The following LUC7L2 variants were observed in gnomAD, a reference collection of about 807,000 sequenced individuals.
The protein encoded by LUC7L2 is LUC7 like 2, pre-mRNA splicing factor.
LUC7L2 carries 25 observed loss-of-function variants against 52.8 expected under a neutral mutation model. The observed-to-expected ratio is 0.47, with a 90% confidence interval of 0.34 to 0.66. LUC7L2 has a LOEUF of 0.66. LUC7L2 is among the 30% of genes least tolerant of loss of function. The pLI is 0.01. For synonymous variants in LUC7L2, 144 were observed against 160.9 expected, an observed-to-expected ratio of 0.89 and a Z score of 0.80; for missense variants, 328 against 497.8, an observed-to-expected ratio of 0.66 and a Z score of 3.25.
upstream of LUC7L2, among the ~76,000 whole-genome samples, chr7:139,357,839 G>A (rs1176036669): frequency 6.6e-6 from 1 of 151,340 alleles, no homozygotes; most frequent in African/African-American, 2.4e-5. Context: ...CTACAGGCAT[G>A]CGCCACCACG....
At chr7:139,394,731 G>A (rs1794587220) in intron 2 of LUC7L2, among the ~76,000 whole-genome samples, 1 of 152,142 alleles carries the variant, frequency 6.6e-6, no homozygotes, top group South Asian at 2.1e-4. Flanking sequence ...ATGTTGTGGG[G>A]AATGACTTAC....
intron 2 of LUC7L2, among the ~76,000 whole-genome samples, chr7:139,377,338 G>A (rs1800765952): frequency 6.6e-6 from 1 of 152,092 alleles, no homozygotes; most frequent in South Asian, 2.1e-4. Flanking sequence ...CGGTGTAGCT[G>A]GAATCACAGG....
intron 8 of LUC7L2, 126 bp downstream of exon 8, chr7:139,412,706 T>TA: frequency 8.9e-7 from 1 of 1,123,696 alleles, no homozygotes; most frequent in Non-Finnish European, 1.2e-6. Context: ...TGCATGCTTG[T>TA]AATCCCAGCT....
rs1361882838 is a variant in LUC7L2, at chr7:139,383,970, G to T, written c.156+7814G>T. ...TTACCACGTTGGCCAGGCTGGTTTC[G>T]AACTCCTGACCTGAAGTGACCCACC... On this transcript the variant is annotated intron_variant, in intron 2 of 9. Coordinates refer to ENST00000354926, the MANE Select transcript of LUC7L2 (RefSeq NM_016019.5). 3.4e-5 allele frequency among the ~76,000 whole-genome samples: 5 copies of T among 147,182 alleles called. No individual in the cohort carries two copies. In the East Asian group the frequency reaches 5.9e-4, roughly 17 times the overall value.
At chr7:139,401,960 C>T (rs529624148) in intron 3 of LUC7L2, among the ~76,000 whole-genome samples, 177 bp from the exon 4 acceptor site, 1 of 152,182 alleles carries the variant, frequency 6.6e-6, no homozygotes, top group South Asian at 2.1e-4. Flanking sequence ...GCCAAGTTGG[C>T]CAGGCTGGCC....
intron 2 of LUC7L2, among the ~76,000 whole-genome samples, chr7:139,396,913 A>G (rs539343441): frequency 2.6e-5 from 4 of 152,268 alleles, no homozygotes; most frequent in East Asian, 3.9e-4. Flanking sequence ...ATAGGACTTC[A>G]TATTTATTTC....
At chr7:139,362,662 G>A in intron 1 of LUC7L2, among the ~76,000 whole-genome samples, 1 of 146,590 alleles carries the variant, frequency 6.8e-6, no homozygotes. Flanking sequence ...CTATAAAGCA[G>A]CGACTCTCTT....
chr7:139,341,439 C>A (rs1271381467), intron 1 of LUC7L2: 30 of 1,613,512 alleles, frequency 1.9e-5, no homozygotes, highest in Non-Finnish European at 2.5e-5. Context: ...GCGGGAGTTG[C>A]GCTACCTGAG....
At chr7:139,412,520 T>A in intron 7 of LUC7L2, 31 bp from the exon 8 acceptor site, 1 of 1,579,496 alleles carries the variant, frequency 6.3e-7, no homozygotes, top group Non-Finnish European at 8.5e-7. Flanking sequence ...TTATAGCCAC[T>A]TTTCTAAAAA....
chr7:139,350,376 C>G (rs1018435936), intron 1 of LUC7L2, among the ~76,000 whole-genome samples: 6 of 152,142 alleles, frequency 3.9e-5, no homozygotes, highest in African/African-American at 1.4e-4. Flanking sequence ...CCGCCTCGAC[C>G]TCCCAAAGTG....
At chr7:139,421,452 A>G (rs1795901442) in intron 9 of LUC7L2, among the ~76,000 whole-genome samples, 1 of 152,192 alleles carries the variant, frequency 6.6e-6, no homozygotes, top group Non-Finnish European at 1.5e-5. Context: ...CTTTCTTATA[A>G]TGAAGTTGGG....
At chr7:139,386,667 A>G (rs1585101675) in intron 2 of LUC7L2, among the ~76,000 whole-genome samples, 2 of 151,954 alleles carry the variant, frequency 1.3e-5, no homozygotes. Context: ...CGGCCTCCCA[A>G]AGTGCTGGGA....
chr7:139,366,945 GT>G (rs1345082854), intron 1 of LUC7L2, among the ~76,000 whole-genome samples: 2 of 152,052 alleles, frequency 1.3e-5, no homozygotes, highest in African/African-American at 4.8e-5. Context: ...TTTCCCAAAT[GT>G]TTGTCACACT....
intron 6 of LUC7L2, among the ~76,000 whole-genome samples, chr7:139,407,875 G>A (rs9642121): frequency 0.38 from 58,404 of 152,022 alleles, 15,633 homozygotes; most frequent in African/African-American, 0.76. Flanking sequence ...GGCTTTTGTG[G>A]GGAAGACAAC....
intron 1 of LUC7L2, among the ~76,000 whole-genome samples, chr7:139,371,736 C>T (rs1490771517): frequency 1.3e-5 from 2 of 152,040 alleles, no homozygotes; most frequent in East Asian, 3.9e-4. Flanking sequence ...TTTTTCCCTC[C>T]TGATATATGG....
intron 1 of LUC7L2, chr7:139,341,618 T>G (rs1798971452): frequency 6.6e-7 from 1 of 1,520,902 alleles, no homozygotes; most frequent in Non-Finnish European, 8.8e-7. Context: ...ATTCCTGCAT[T>G]TCTGAGGCCA....
At chr7:139,407,910 AGGGGAT>A (rs1795192765) in intron 6 of LUC7L2, among the ~76,000 whole-genome samples, 1 of 152,180 alleles carries the variant, frequency 6.6e-6, no homozygotes, top group South Asian at 2.1e-4. Flanking sequence ...TGTTGTTTAG[AGGGGAT>A]AAACACAAAA....
Position 139,423,370 on chromosome 7 carries a change from T to G in LUC7L2, c.*1030T>G, listed in dbSNP as rs914596485. 1 of 399,054 alleles carries G rather than the reference T, an allele frequency of 2.5e-6. No individual in the cohort carries two copies. Among genetic ancestry groups the G allele is most frequent in the Non-Finnish European group, 4.4e-6 (1 of 226,052 alleles). The allele number at this position is 399,054 out of a possible 1,614,324, so 24.7% of individuals were successfully genotyped here. On this transcript the variant is annotated 3_prime_UTR_variant, in exon 10 of 10. Transcript: ENST00000354926. ...TCAGGGTTGTTTGTAATGACCGTTA[T>G]AGAGAAGGGCTCGACCTGCAGAAGA...
chr7:139,418,089 T>A (rs1166171371), intron 9 of LUC7L2, among the ~76,000 whole-genome samples: 2 of 152,268 alleles, frequency 1.3e-5, no homozygotes, highest in African/African-American at 4.8e-5. Flanking sequence ...TTACAAGAGT[T>A]GTTTAGCTTT....
Sources: allele counts gnomAD v4.1 joint callset (sites outside exome capture counted in the v4.1 genomes callset), GRCh38; gene constraint gnomAD v4.1.1; transcripts MANE v1.5; gene names NCBI Gene and HGNC (gene_info 2026-07-23, HGNC 2026-07-21).